Variants in NUBP1 observed in about 807,000 individuals in gnomAD.
The protein encoded by NUBP1 is NUBP iron-sulfur cluster assembly factor 1, cytosolic.
A neutral mutation model predicts 41.8 loss-of-function variants in NUBP1; 46 were observed. The observed-to-expected ratio is 1.10, with a 90% CI of 0.87 to 1.41. The LOEUF (loss-of-function observed/expected upper bound fraction) is 1.41. Ranked by LOEUF, NUBP1 falls within the 40% of genes most tolerant of loss-of-function variation. NUBP1 has a pLI of 0.00. For synonymous variants in NUBP1, 189 were observed against 154.6 expected (o/e 1.22, Z -1.65); for missense variants, 494 against 414.0 (o/e 1.19, Z -1.68).
In NUBP1 at chr16:10,765,932, A is replaced by G. The variant is rs2030807461; in HGVS notation, c.821-2017A>G. 6.6e-6 allele frequency: 1 copy of G among 152,268 alleles called. No individual in the cohort carries two copies. Among genetic ancestry groups the G allele is most frequent in the African/African-American group, 2.4e-5 (1 of 41,434 alleles). The allele number at this position is 152,268 out of a possible 1,614,324, so 9.4% of individuals were successfully genotyped here. A position where few individuals can be genotyped will look rare whatever the true frequency, so the allele number is the denominator to read the frequency against. The stretch of plus-strand genomic sequence containing the variant: ...GCAAGGCCAGGGAGTGCCAGAAAGG[A>G]AGGGGTGGTTAACACTGTCACCCAC... On this transcript the variant is annotated intron_variant, in intron 9 of 10. Coordinates refer to ENST00000283027, the MANE Select transcript of NUBP1 (RefSeq NM_002484.4). The surrounding 1 kb of genome is among the most constrained non-coding windows in gnomAD (Gnocchi z 4.0).
At chr16:10,755,673 A>C in intron 4 of NUBP1, 48 bp from the exon 5 acceptor site, 1 of 1,584,010 alleles carries the variant, frequency 6.3e-7, no homozygotes, top group Non-Finnish European at 8.7e-7. Context: ...AAATGTGACC[A>C]GGGTACATGA....
At position 10,747,295 on chromosome 16, in the gene NUBP1, C is replaced by T. The variant is rs746368220; in HGVS notation, c.258+19C>T. ...CACACAGGTGAGACCTCAGGAACCA[C>T]TGGGAGATGCTCATTTTGTCTGAGG... is the stretch of plus-strand genomic sequence containing the variant. On this transcript the variant is annotated intron_variant, in intron 3 of 10. Coordinates refer to ENST00000283027, the MANE Select transcript of NUBP1 (RefSeq NM_002484.4). The T allele has an allele frequency of 6.2e-7, 1 of 1,610,738 alleles. No homozygotes were observed. Among genetic ancestry groups the T allele is most frequent in the Non-Finnish European group, 8.5e-7 (1 of 1,178,910 alleles).
In NUBP1 at chr16:10,759,761, G is replaced by T. The variant is rs1030617364; in HGVS notation, c.607-1603G>T. Reference sequence around the variant, plus strand: ...ACTGCACTCCAGCCTGGGCGACAGAGCAAGACTCTGTCTCAAAAAAAGAAA... The same window carrying T: ...ACTGCACTCCAGCCTGGGCGACAGATCAAGACTCTGTCTCAAAAAAAGAAA... On this transcript the variant is annotated intron_variant, in intron 7 of 10. Coordinates refer to ENST00000283027, the MANE Select transcript of NUBP1 (RefSeq NM_002484.4). The surrounding 1 kb of genome is among the most constrained non-coding windows in gnomAD (Gnocchi z 4.7). 6.6e-6 allele frequency among the ~76,000 whole-genome samples: 1 copy of T among 152,160 alleles called. No individual in the cohort carries two copies. The highest frequency in any genetic ancestry group is 2.4e-5 in the African/African-American group (1 of 41,442).
intron 8 of NUBP1, 60 bp from the exon 9 acceptor site, chr16:10,761,697 G>A (rs2029924622): frequency 7.6e-6 from 10 of 1,314,844 alleles, no homozygotes; most frequent in African/African-American, 1.5e-5. Flanking sequence ...TTAAAATGTG[G>A]TCCATCCTTG....
intron 3 of NUBP1, among the ~76,000 whole-genome samples, chr16:10,751,233 GAC>G (rs1900299192): frequency 6.6e-6 from 1 of 152,218 alleles, no homozygotes; most frequent in South Asian, 2.1e-4. Context: ...AGGGCATGGA[GAC>G]AGAGTCACTA....
chr16:10,755,602 A>G, intron 4 of NUBP1, 119 bp from the exon 5 acceptor site: 5 of 1,078,162 alleles, frequency 4.6e-6, no homozygotes, highest in South Asian at 1.4e-5. Flanking sequence ...GGTACCATGT[A>G]AGACAATGAA....
intron 9 of NUBP1, among the ~76,000 whole-genome samples, chr16:10,764,621 G>A (rs1392450541): frequency 1.3e-5 from 2 of 151,252 alleles, no homozygotes; most frequent in Non-Finnish European, 2.9e-5. Context: ...GAGTATGTCA[G>A]TCTATTGGAG....
chr16:10,763,729 G>C (rs1307932969), intron 9 of NUBP1: 2 of 155,124 alleles, frequency 1.3e-5, no homozygotes, highest in Non-Finnish European at 2.9e-5. Context: ...TGCCGAGATG[G>C]GATTGGTGGG....
rs2031087567 is a variant in NUBP1 at position 10,767,574 on chromosome 16, T to C, written c.821-375T>C. Reference sequence around the variant, plus strand: ...AGTAGCCCTTTTCGGACTTGGCCTTTTATGCCATATCCTTTTGCATTCTGT... The same window carrying C: ...AGTAGCCCTTTTCGGACTTGGCCTTCTATGCCATATCCTTTTGCATTCTGT... On this transcript the variant is annotated intron_variant, in intron 9 of 10. Coordinates refer to ENST00000283027, the MANE Select transcript of NUBP1 (RefSeq NM_002484.4). This position sits in a 1 kb window ranked among gnomAD's most constrained non-coding sequence, Gnocchi z 4.6. The C allele has an allele frequency of 2.2e-6, 1 of 452,326 alleles. No homozygotes were observed. Among genetic ancestry groups the C allele is most frequent in the East Asian group, 3.3e-5 (1 of 30,260 alleles). The allele number at this position is 452,326 out of a possible 1,614,324, so 28.0% of individuals were successfully genotyped here.
intron 3 of NUBP1, 86 bp from the exon 4 acceptor site, chr16:10,752,524 C>G: frequency 9.1e-7 from 1 of 1,099,676 alleles, no homozygotes; most frequent in Non-Finnish European, 1.4e-6. Context: ...TGTCCTTTTC[C>G]TCTAACCCCG....
chr16:10,753,521 C>A (rs1387709871), intron 4 of NUBP1, among the ~76,000 whole-genome samples: 2 of 152,034 alleles, frequency 1.3e-5, no homozygotes, highest in Non-Finnish European at 2.9e-5. Flanking sequence ...TGCATGGAAG[C>A]TGGGGCTGGG....
Position 10,756,775 on chromosome 16 carries a change from A to G in NUBP1, c.446A>G (p.Lys149Arg), listed in dbSNP as rs955831338. The G allele has an allele frequency of 3.8e-6, 6 of 1,591,592 alleles. No homozygotes were observed. The African/African-American group carries it at 5.5e-5, about 14-fold the overall frequency. Residue 149 changes from lysine (K) to arginine (R), a missense_variant, in exon 6 of 11, where the codon AAA (lysine) becomes AGA (arginine). Transcript: ENST00000283027. ...DDAVIWRGPK[K>R]NGMIKQFLRD... ...GCTGTTATCTGGAGGGGACCCAAGA[A>G]AAACGGTTTGCCACTCTGCCTTTTT...
At chr16:10,762,509 G>A (rs1337465048) in intron 9 of NUBP1, among the ~76,000 whole-genome samples, 1 of 152,236 alleles carries the variant, frequency 6.6e-6, no homozygotes, top group Admixed American at 6.5e-5. Flanking sequence ...GCCTACACTC[G>A]AAGCTGCTCC....
At chr16:10,745,350 G>A (rs2142651337) in intron 2 of NUBP1, among the ~76,000 whole-genome samples, 1 of 152,198 alleles carries the variant, frequency 6.6e-6, no homozygotes, top group Middle Eastern at 3.4e-3. Context: ...GCCCGCCCTC[G>A]AGGCTGAGGT....
At position 10,766,201 on chromosome 16, in the gene NUBP1, C is replaced by G. The variant is rs2030852718; in HGVS notation, c.821-1748C>G. ...GCCTCAGAGCCCTGCTCCGCCACCA[C>G]TAGCTGTGGGACTTGGGCTAGTCAT... On this transcript the variant is annotated intron_variant, in intron 9 of 10. Transcript: ENST00000283027. This position sits in a 1 kb window ranked among gnomAD's most constrained non-coding sequence, Gnocchi z 4.8. 1 of 152,392 alleles carries G rather than the reference C, an allele frequency of 6.6e-6. No individual in the cohort carries two copies. Among genetic ancestry groups the G allele is most frequent in the Non-Finnish European group, 1.5e-5 (1 of 68,164 alleles). 9.4% of individuals were successfully genotyped at this position (152,392 alleles called of 1,614,324 possible). A position where few individuals can be genotyped will look rare whatever the true frequency, so the allele number is the denominator to read the frequency against.
chr16:10,753,801 G>A (rs2142701487), intron 4 of NUBP1, among the ~76,000 whole-genome samples: 1 of 152,216 alleles, frequency 6.6e-6, no homozygotes, highest in Middle Eastern at 3.4e-3. Context: ...AGAGCTGGGG[G>A]AAGGGCATTC....
intron 7 of NUBP1, chr16:10,760,972 G>A (rs1415083611): frequency 5.1e-6 from 1 of 194,240 alleles, no homozygotes; most frequent in African/African-American, 2.3e-5. Flanking sequence ...GAAGGCCCCA[G>A]GAAACTTAAC....
chr16:10,764,682 G>A (rs541574452), intron 9 of NUBP1, among the ~76,000 whole-genome samples: 1 of 148,800 alleles, frequency 6.7e-6, no homozygotes, highest in Admixed American at 6.7e-5. Context: ...TCAGTCTGCT[G>A]GAGTAGGTCT....
Position 10,747,285 on chromosome 16 carries a change from T to G in NUBP1, c.258+9T>G. 1 of 1,612,368 alleles carries G rather than the reference T, an allele frequency of 6.2e-7. No homozygotes were observed. On this transcript the variant is annotated intron_variant, in intron 3 of 10. Transcript: ENST00000283027. ...AGGATGAAAACACACAGGTGAGACC[T>G]CAGGAACCACTGGGAGATGCTCATT...
Sources: gnomAD v4.1 joint callset for allele counts (sites outside exome capture counted in the v4.1 genomes callset) on GRCh38, gnomAD v4.1.1 for gene constraint, Gnocchi (gnomAD v3.1) non-coding constraint, MANE v1.5 for transcripts, NCBI Gene and HGNC (gene_info 2026-07-23, HGNC 2026-07-21) for gene names.